The following PSEN1 variants were observed in gnomAD, a reference collection of about 807,000 sequenced individuals.
PSEN1 encodes the protein presenilin-1.
In PSEN1, 15 loss-of-function variants were observed where a neutral mutation model predicts 53.5. The observed-to-expected ratio is 0.28, with a 90% confidence interval of 0.19 to 0.43. The LOEUF is 0.43. Among genes scored for constraint, PSEN1 ranks in the 20% least tolerant of loss-of-function variants. PSEN1 has a pLI of 1.00. For synonymous variants in PSEN1, 208 were observed against 209.8 expected (o/e 0.99, Z 0.08); for missense variants, 387 against 571.2 (o/e 0.68, Z 3.29).
chr14:73,206,154 T>TTG, intron 8 of PSEN1: 1 of 529,350 alleles, frequency 1.9e-6, no homozygotes, highest in Non-Finnish European at 3.4e-6. Context: ...ATGAAGAGTT[T>TTG]TGTGATAGCA....
intron 6 of PSEN1, among the ~76,000 whole-genome samples, chr14:73,188,702 T>C (rs1166055650): frequency 1.3e-5 from 2 of 152,202 alleles, no homozygotes; most frequent in Admixed American, 6.5e-5. Context: ...TAAAGGCCAA[T>C]GTCATCCTCA....
intron 10 of PSEN1, among the ~76,000 whole-genome samples, chr14:73,213,695 G>A (rs1899794786): frequency 6.6e-6 from 1 of 152,132 alleles, no homozygotes; most frequent in African/African-American, 2.4e-5. Context: ...CTGATCAAAG[G>A]ATCTGAATGT....
At chr14:73,200,952 G>A (rs1176616786) in intron 8 of PSEN1, among the ~76,000 whole-genome samples, 1 of 152,104 alleles carries the variant, frequency 6.6e-6, no homozygotes, top group East Asian at 1.9e-4. Flanking sequence ...TTGGGAGGCT[G>A]AGGTGGGAGG....
intron 3 of PSEN1, among the ~76,000 whole-genome samples, chr14:73,158,924 C>A (rs973014196): frequency 6.6e-6 from 1 of 152,156 alleles, no homozygotes; most frequent in African/African-American, 2.4e-5. Flanking sequence ...TATATAGTTA[C>A]ATCTCATTTT....
In PSEN1 at chr14:73,219,537, T is replaced by C; in HGVS notation, c.*248T>C. 2.0e-6 allele frequency: 1 copy of C among 497,298 alleles called. No homozygotes were observed. The highest frequency in any genetic ancestry group is 3.7e-6 in the Non-Finnish European group (1 of 272,886). The allele number at this position is 497,298 out of a possible 1,614,324, so 30.8% of individuals were successfully genotyped here. A position where few individuals can be genotyped will look rare whatever the true frequency, so the allele number is the denominator to read the frequency against. ...GTCCCTCGGTGCAGAAACTACCAGA[T>C]TTGAGGGACGAGGTCAAGGAGATAT... is the stretch of plus-strand genomic sequence containing the variant. On this transcript the variant is annotated 3_prime_UTR_variant, in exon 12 of 12. Coordinates refer to ENST00000324501, the MANE Select transcript of PSEN1 (RefSeq NM_000021.4).
At chr14:73,209,656 T>C (rs991526683) in intron 9 of PSEN1, among the ~76,000 whole-genome samples, 26 of 152,338 alleles carry the variant, frequency 1.7e-4, no homozygotes, top group Admixed American at 1.6e-3. Flanking sequence ...TGATAGGTAC[T>C]ACAAAGAAGA....
chr14:73,181,237 C>T (rs1382450885), intron 5 of PSEN1, among the ~76,000 whole-genome samples: 1 of 151,754 alleles, frequency 6.6e-6, no homozygotes, highest in African/African-American at 2.4e-5. Flanking sequence ...GTCAGAAGAT[C>T]GAGACCAGCC....
chr14:73,143,573 A>G (rs963389995), intron 1 of PSEN1, among the ~76,000 whole-genome samples: 1 of 152,194 alleles, frequency 6.6e-6, no homozygotes, highest in Non-Finnish European at 1.5e-5. Flanking sequence ...GTATTGGAAA[A>G]TGCTAAAGTG....
At chr14:73,152,326 A>G (rs1004515381) in intron 3 of PSEN1, among the ~76,000 whole-genome samples, 4 of 151,878 alleles carry the variant, frequency 2.6e-5, no homozygotes, top group Non-Finnish European at 5.9e-5. Flanking sequence ...AGAAACCAAA[A>G]AAGGCCAGGC....
At position 73,206,498 on chromosome 14, in the gene PSEN1, C is replaced by T. The variant is rs177416; in HGVS notation, c.955+26C>T. 8.1e-4 allele frequency: 1,220 copies of T among 1,512,552 alleles called. 10 individuals are homozygous for T. The African/African-American group carries it at 0.015, about 18-fold the overall frequency. 93.7% of individuals were successfully genotyped at this position (1,512,552 alleles called of 1,614,324 possible). On this transcript the variant is annotated intron_variant, in intron 9 of 11. Transcript: ENST00000324501. The stretch of plus-strand genomic sequence containing the variant: ...GTAGGTAACTTTTATTAGATAATAT[C>T]TTGATTTTTCAGGGTCACTGTTATA...
chr14:73,179,913 C>T (rs573987880), intron 5 of PSEN1, among the ~76,000 whole-genome samples: 2 of 152,342 alleles, frequency 1.3e-5, no homozygotes, highest in South Asian at 4.1e-4. Context: ...AAGGTACTTA[C>T]TCCATCTTAT....
chr14:73,223,318 C>T lies in PSEN1; in HGVS notation c.*4029C>T, dbSNP rs1882681272. Reference sequence around the variant, plus strand: ...GTGCTGGGTCCACCCTGAGCCCTGACATGTGGTGGCAGCATTGCCAGTTGG... The same window carrying T: ...GTGCTGGGTCCACCCTGAGCCCTGATATGTGGTGGCAGCATTGCCAGTTGG... On this transcript the variant is annotated 3_prime_UTR_variant, in exon 12 of 12. Coordinates refer to ENST00000324501, the MANE Select transcript of PSEN1 (RefSeq NM_000021.4). The T allele has an allele frequency of 6.6e-6, 1 of 152,248 alleles. No homozygotes were observed. The highest frequency in any genetic ancestry group is 1.5e-5 in the Non-Finnish European group (1 of 68,064). The allele number at this position is 152,248 out of a possible 1,614,324, so 9.4% of individuals were successfully genotyped here.
At chr14:73,142,727 C>G (rs933434557) in intron 1 of PSEN1, among the ~76,000 whole-genome samples, 1 of 152,192 alleles carries the variant, frequency 6.6e-6, no homozygotes, top group African/African-American at 2.4e-5. Flanking sequence ...GACTTCTGTT[C>G]AGCACATCTG....
chr14:73,184,891 G>A (rs1341067623), intron 5 of PSEN1, among the ~76,000 whole-genome samples: 1 of 150,532 alleles, frequency 6.6e-6, no homozygotes, highest in East Asian at 2.0e-4. Context: ...TTCTCAGACG[G>A]GGCGGCCGGG....
intron 7 of PSEN1, chr14:73,197,685 A>G (rs1451700296): frequency 3.5e-6 from 1 of 286,332 alleles, no homozygotes; most frequent in Non-Finnish European, 6.7e-6. Flanking sequence ...CTGTAGGTTG[A>G]CAACTGCTTA....
rs177417 is a variant in PSEN1 at position 73,205,372 on chromosome 14, G to A, written c.869-1014G>A. The stretch of plus-strand genomic sequence containing the variant: ...CGGGCGCCTGTAGTCCCAGCTACTC[G>A]GGAGGCTGAGGCAGGAGAATGGCGT... On this transcript the variant is annotated intron_variant, in intron 8 of 11. Coordinates refer to ENST00000324501, the MANE Select transcript of PSEN1 (RefSeq NM_000021.4). Among the ~76,000 whole-genome samples, 322 of 151,794 alleles carry A rather than the reference G, an allele frequency of 2.1e-3. 3 individuals are homozygous for A. Among genetic ancestry groups the A allele is most frequent in the African/African-American group, 7.5e-3 (309 of 41,392 alleles).
intron 7 of PSEN1, 72 bp downstream of exon 7, chr14:73,192,936 T>A: frequency 1.7e-6 from 2 of 1,155,242 alleles, no homozygotes; most frequent in Non-Finnish European, 2.6e-6. Context: ...CTCATCTCTT[T>A]ATCTTGATTT....
At chr14:73,202,842 T>C (rs1229505476) in intron 8 of PSEN1, among the ~76,000 whole-genome samples, 1 of 152,086 alleles carries the variant, frequency 6.6e-6, no homozygotes, top group African/African-American at 2.4e-5. Flanking sequence ...AAAATTGGAA[T>C]GATACAGATG....
chr14:73,217,970 T>TGG (rs1899985949), intron 11 of PSEN1, among the ~76,000 whole-genome samples: 1 of 151,618 alleles, frequency 6.6e-6, no homozygotes, highest in African/African-American at 2.4e-5. Context: ...GTATTTTTAG[T>TGG]AGAAACAGGG....
Sources: allele counts gnomAD v4.1 joint callset (sites outside exome capture counted in the v4.1 genomes callset), GRCh38; gene constraint gnomAD v4.1.1; transcripts MANE v1.5; gene names NCBI Gene and HGNC (gene_info 2026-07-23, HGNC 2026-07-21).